Variants in SUCLG2 observed in about 807,000 individuals in gnomAD.
SUCLG2 encodes succinate--CoA ligase [GDP-forming] subunit beta, mitochondrial.
A neutral mutation model predicts 47.9 loss-of-function variants in SUCLG2; 42 were observed. That is an observed-to-expected ratio of 0.88 (90% CI 0.69 to 1.14). SUCLG2 has a LOEUF of 1.14. Among genes scored for constraint, SUCLG2 ranks in the 50% most tolerant of loss-of-function variants. The probability of loss-of-function intolerance (pLI) is 0.00; values close to 1 mark genes in which losing one functional copy is unlikely to be tolerated. For missense variants in SUCLG2, 571 were observed against 525.9 expected (o/e 1.09, Z -0.84); for synonymous variants, 195 against 197.3 (o/e 0.99, Z 0.10).
At chr3:67,429,064 A>G (rs1397143633) in intron 9 of SUCLG2, among the ~76,000 whole-genome samples, 1 of 152,238 alleles carries the variant, frequency 6.6e-6, no homozygotes. Context: ...CAACCTAGCA[A>G]GGCAGGCCAA....
chr3:67,420,511 G>T (rs942713617), intron 9 of SUCLG2, among the ~76,000 whole-genome samples: 1 of 152,122 alleles, frequency 6.6e-6, no homozygotes, highest in African/African-American at 2.4e-5. Context: ...GGATGGTGTG[G>T]GAAATAATAG....
intron 2 of SUCLG2, among the ~76,000 whole-genome samples, chr3:67,588,793 C>T (rs573317163): frequency 3.3e-5 from 5 of 152,296 alleles, no homozygotes; most frequent in Non-Finnish European, 5.9e-5. Flanking sequence ...CATTCAACTA[C>T]TCTAAGAGAT....
intron 9 of SUCLG2, among the ~76,000 whole-genome samples, chr3:67,405,218 T>C (rs1702776498): frequency 6.6e-6 from 1 of 152,252 alleles, no homozygotes; most frequent in Non-Finnish European, 1.5e-5. Flanking sequence ...CTCTGGCAGC[T>C]GTGCAGGTGG....
Position 67,535,313 on chromosome 3 carries a change from C to T in SUCLG2, c.227-6127G>A, listed in dbSNP as rs953707938. On this transcript the variant is annotated intron_variant, in intron 2 of 10. Transcript: ENST00000307227. ...TTACAAGAGGAGCTGAGAAAAGGCA[C>T]GTCTAAAAGTGAGGTTGGAGGGTCC... 5.9e-5 allele frequency among the ~76,000 whole-genome samples: 9 copies of T among 151,886 alleles called. No individual in the cohort carries two copies. In the East Asian group the frequency reaches 1.2e-3, roughly 20 times the overall value.
At chr3:67,394,800 C>A (rs943446962) in intron 10 of SUCLG2, among the ~76,000 whole-genome samples, 1 of 151,652 alleles carries the variant, frequency 6.6e-6, no homozygotes, top group African/African-American at 2.4e-5. Context: ...CAAAGGGAAG[C>A]CCATCAGACT....
chr3:67,367,017 G>A (rs1229870046), intron 10 of SUCLG2, among the ~76,000 whole-genome samples: 1 of 152,118 alleles, frequency 6.6e-6, no homozygotes, highest in African/African-American at 2.4e-5. Context: ...ACAGCAACAT[G>A]AAAAAGTCAT....
intron 9 of SUCLG2, among the ~76,000 whole-genome samples, chr3:67,424,118 T>C (rs1429309286): frequency 6.6e-6 from 1 of 152,250 alleles, no homozygotes; most frequent in Non-Finnish European, 1.5e-5. Context: ...GGTCAGTGAA[T>C]GACAACTCTT....
intron 1 of SUCLG2, among the ~76,000 whole-genome samples, chr3:67,612,083 G>T (rs1304307611): frequency 6.6e-6 from 1 of 152,218 alleles, no homozygotes; most frequent in Non-Finnish European, 1.5e-5. Flanking sequence ...GTGTGGGCAG[G>T]CGCAGTGGTT....
intron 6 of SUCLG2, among the ~76,000 whole-genome samples, chr3:67,514,481 C>T (rs905157277): frequency 7.2e-5 from 11 of 152,166 alleles, no homozygotes; most frequent in Non-Finnish European, 1.3e-4. Flanking sequence ...GAAGTACAAA[C>T]CACTTCAAGA....
chr3:67,607,619 G>T (rs557469372), intron 2 of SUCLG2, among the ~76,000 whole-genome samples: 59 of 152,210 alleles, frequency 3.9e-4, no homozygotes, highest in African/African-American at 1.4e-3. Flanking sequence ...GGAGGAAAAT[G>T]AGCTAGATGT....
intron 2 of SUCLG2, among the ~76,000 whole-genome samples, chr3:67,582,628 T>C (rs1027163393): frequency 1.3e-5 from 2 of 152,220 alleles, no homozygotes; most frequent in African/African-American, 4.8e-5. Flanking sequence ...TTTGGGTATA[T>C]ACCCAATCAT....
chr3:67,586,302 A>G (rs1471519287), intron 2 of SUCLG2, among the ~76,000 whole-genome samples: 1 of 152,248 alleles, frequency 6.6e-6, no homozygotes, highest in African/African-American at 2.4e-5. Flanking sequence ...TTCAGTGAAT[A>G]GTACCAGTTA....
chr3:67,578,734 A>G (rs1293287847), intron 2 of SUCLG2, among the ~76,000 whole-genome samples: 1 of 152,208 alleles, frequency 6.6e-6, no homozygotes, highest in Non-Finnish European at 1.5e-5. Context: ...GAGATGAGGA[A>G]GAAAGACAAG....
At chr3:67,624,641 T>C (rs1248185080) in intron 1 of SUCLG2, among the ~76,000 whole-genome samples, 4 of 152,208 alleles carry the variant, frequency 2.6e-5, no homozygotes, top group African/African-American at 9.7e-5. Flanking sequence ...TCATCTCTTC[T>C]CTTATAGTAA....
chr3:67,387,235 T>C (rs1007592139), intron 10 of SUCLG2, among the ~76,000 whole-genome samples: 1 of 152,124 alleles, frequency 6.6e-6, no homozygotes, highest in African/African-American at 2.4e-5. Context: ...GGAAAATAAG[T>C]GACAAAGCTA....
At chr3:67,528,667 C>T (rs1487347890) in intron 3 of SUCLG2, among the ~76,000 whole-genome samples, 1 of 152,102 alleles carries the variant, frequency 6.6e-6, no homozygotes, top group Non-Finnish European at 1.5e-5. Context: ...CTAGGAGATG[C>T]AGGAGATGAA....
intron 9 of SUCLG2, among the ~76,000 whole-genome samples, chr3:67,477,248 G>A (rs1393268060): frequency 2.6e-5 from 4 of 152,122 alleles, no homozygotes; most frequent in Non-Finnish European, 5.9e-5. Flanking sequence ...GGTATGTGGA[G>A]TGCTGAAAAC....
Position 67,406,104 on chromosome 3 carries a change from C to T in SUCLG2, c.1063-5253G>A, listed in dbSNP as rs370928239. On this transcript the variant is annotated intron_variant, in intron 9 of 10. Transcript: ENST00000307227. ...AGACAGATATTACCTACCCCCCTTT[C>T]GCAGATGAGAAAACCAAGACTCAGA... Among the ~76,000 whole-genome samples the T allele has an allele frequency of 8.2e-4, 125 of 152,266 alleles. 2 individuals carry two copies. The highest frequency in any genetic ancestry group is 3.4e-3 in the Middle Eastern group (1 of 294).
chr3:67,417,609 G>A (rs1422874309), intron 9 of SUCLG2, among the ~76,000 whole-genome samples: 1 of 152,156 alleles, frequency 6.6e-6, no homozygotes, highest in Non-Finnish European at 1.5e-5. Flanking sequence ...TTAGTAAAAC[G>A]TAGACAATAA....
Sources: allele counts gnomAD v4.1 joint callset (sites outside exome capture counted in the v4.1 genomes callset), GRCh38; gene constraint gnomAD v4.1.1; transcripts MANE v1.5; gene names NCBI Gene and HGNC (gene_info 2026-07-23, HGNC 2026-07-21).